Variants in HTT observed in about 807,000 individuals in gnomAD.
HTT encodes huntington disease protein.
In HTT, 104 loss-of-function variants were observed where a neutral mutation model predicts 362.3. The observed-to-expected ratio is 0.29, with a 90% CI of 0.24 to 0.34. The LOEUF is 0.34. Ranked by LOEUF, HTT falls within the 10% of genes least tolerant of loss-of-function variation. The pLI is 1.00. For synonymous variants in HTT, 1,577 were observed against 1,548.7 expected, an observed-to-expected ratio of 1.02 and a Z score of -0.43; for missense variants, 3,301 against 3,928.6, an observed-to-expected ratio of 0.84 and a Z score of 4.27.
chr4:3,164,006 A>C (rs1283303659), intron 29 of HTT, among the ~76,000 whole-genome samples: 1 of 151,076 alleles, frequency 6.6e-6, no homozygotes, highest in Non-Finnish European at 1.5e-5. Flanking sequence ...TAGTTCTTTT[A>C]ATTGTGATGT....
In HTT at chr4:3,074,976, CTT is replaced by C; in HGVS notation, c.152_153del (p.Leu51ProfsTer31). On this transcript the variant is annotated frameshift_variant, in exon 1 of 67. Coordinates refer to ENST00000355072, the MANE Select transcript of HTT (RefSeq NM_001388492.1). LOFTEE classifies it high-confidence loss of function. ...PPPPPPPPPQ[L>X]PQPPPQAQPL... ...GCCGCCGCCGCCGCCGCCTCCTCAG[CTT>C]CCTCAGCCGCCGCCGCAGGCACAGC... 1.4e-6 allele frequency: 2 copies of C among 1,433,452 alleles called. No homozygotes were observed. The highest frequency in any genetic ancestry group is 1.9e-6 in the Non-Finnish European group (2 of 1,074,030). The allele number at this position is 1,433,452 out of a possible 1,614,324, so 88.8% of individuals were successfully genotyped here.
chr4:3,130,759 T>C (rs759914686), intron 14 of HTT, among the ~76,000 whole-genome samples: 3 of 151,788 alleles, frequency 2.0e-5, no homozygotes, highest in African/African-American at 4.8e-5. Flanking sequence ...GTTCTAAAAG[T>C]CTCTCTTCAT....
intron 53 of HTT, 73 bp downstream of exon 53, chr4:3,220,381 C>A: frequency 2.8e-6 from 4 of 1,437,860 alleles, no homozygotes; most frequent in South Asian, 2.4e-5. Context: ...GCCCCCAGTA[C>A]TGGGATCTTC....
chr4:3,222,528 T>C, intron 54 of HTT, 41 bp downstream of exon 54: 1 of 1,475,132 alleles, frequency 6.8e-7, no homozygotes, highest in East Asian at 2.3e-5. Context: ...TGGGCAGTTA[T>C]GGCCGCTTGC....
At chr4:3,213,028 A>C in intron 49 of HTT, 1 of 290,006 alleles carries the variant, frequency 3.4e-6, no homozygotes, top group South Asian at 5.1e-5. Flanking sequence ...TGGCCTGGAC[A>C]TGTCAGCCAA....
In HTT at chr4:3,090,327, C is replaced by T. The variant is rs554245555; in HGVS notation, c.347+3305C>T. 3.3e-5 allele frequency among the ~76,000 whole-genome samples: 5 copies of T among 152,296 alleles called. No individual in the cohort carries two copies. The East Asian group carries it at 9.6e-4, about 29-fold the overall frequency. On this transcript the variant is annotated intron_variant, in intron 2 of 66. Transcript: ENST00000355072. ...TCATCTGGAAAATTTGTTAAAAATA[C>T]AGTAATGAAGGCACCTCACTGTCCT...
chr4:3,160,304 G>T lies in HTT; in HGVS notation c.3776G>T (p.Ser1259Ile), dbSNP rs1322201946. The change falls in exon 29 of 67, where the codon AGC (serine) becomes ATC (isoleucine). Residue 1259 changes from serine (S) to isoleucine (I), a missense_variant. Coordinates refer to ENST00000355072, the MANE Select transcript of HTT (RefSeq NM_001388492.1). ...AAGGTCACGCTGGATCTTCAGAACA[G>T]CACGGAAAAGTTTGGAGGGTTTCTC... ...NYKVTLDLQN[S>I]TEKFGGFLRS... is the part of the protein sequence containing the mutation. 2 of 1,552,092 alleles carry T rather than the reference G, an allele frequency of 1.3e-6. No individual in the cohort carries two copies. The highest frequency in any genetic ancestry group is 2.7e-5 in the African/African-American group (2 of 73,202).
At chr4:3,121,694 CAAAAAAA>C (rs1019406950) in intron 9 of HTT, 14 of 39,780 alleles carry the variant, frequency 3.5e-4, no homozygotes, top group East Asian at 7.1e-4. Context: ...CCTGTCTCTA[CAAAAAAA>C]AAAAAAAAAA....
intron 27 of HTT, 70 bp from the exon 28 acceptor site, chr4:3,157,002 A>C: frequency 7.9e-7 from 1 of 1,263,412 alleles, no homozygotes; most frequent in East Asian, 2.4e-5. Context: ...CATGATTTCC[A>C]GTAATCTCTT....
At chr4:3,147,010 TG>T (rs1473734715) in intron 25 of HTT, 62 bp downstream of exon 25, 45 of 1,527,966 alleles carry the variant, frequency 2.9e-5, no homozygotes, top group Non-Finnish European at 3.9e-5. Flanking sequence ...TTAGGGGGAA[TG>T]GGGGTGGTGA....
chr4:3,235,541 A>G (rs1721486857), intron 62 of HTT, 24 bp from the exon 63 acceptor site: 10 of 1,608,780 alleles, frequency 6.2e-6, no homozygotes, highest in Non-Finnish European at 6.8e-6. Context: ...ATTCTTTGAC[A>G]CAGAGGCCTT....
chr4:3,230,193 C>A, intron 60 of HTT, 151 bp downstream of exon 60: 2 of 643,934 alleles, frequency 3.1e-6, no homozygotes, highest in Admixed American at 2.5e-5. Flanking sequence ...AGCTGCAGTG[C>A]TTCTCAGATG....
intron 1 of HTT, among the ~76,000 whole-genome samples, chr4:3,078,965 G>C (rs549344155): frequency 2.0e-5 from 3 of 152,114 alleles, no homozygotes; most frequent in Non-Finnish European, 2.9e-5. Flanking sequence ...TTGATCTCCT[G>C]ACCTCGTCAT....
At chr4:3,224,802 C>G (rs986884851) in intron 56 of HTT, among the ~76,000 whole-genome samples, 1 of 152,230 alleles carries the variant, frequency 6.6e-6, no homozygotes. Context: ...GTGTTATACG[C>G]AGTGTCTATG....
intron 2 of HTT, among the ~76,000 whole-genome samples, chr4:3,088,657 C>G (rs1157377691): frequency 6.6e-6 from 1 of 152,128 alleles, no homozygotes; most frequent in African/African-American, 2.4e-5. Context: ...TCCATTCTTT[C>G]CTGTAGTCCC....
intron 1 of HTT, among the ~76,000 whole-genome samples, chr4:3,078,128 T>C (rs1036142436): frequency 2.0e-5 from 3 of 152,234 alleles, no homozygotes; most frequent in Non-Finnish European, 2.9e-5. Flanking sequence ...TCTAGCATGC[T>C]TGGGAGGGTC....
intron 35 of HTT, among the ~76,000 whole-genome samples, chr4:3,178,772 G>A (rs550826169): frequency 1.3e-5 from 2 of 152,290 alleles, no homozygotes; most frequent in East Asian, 1.9e-4. Flanking sequence ...TAGCCAAAAG[G>A]CCAAGAAGCG....
At chr4:3,096,362 C>A (rs373061099) in intron 2 of HTT, among the ~76,000 whole-genome samples, 1 of 152,230 alleles carries the variant, frequency 6.6e-6, no homozygotes, top group African/African-American at 2.4e-5. Context: ...ACACTGTCCC[C>A]TGTGCAACCT....
At chr4:3,230,146 C>A (rs937381041) in intron 60 of HTT, 104 bp downstream of exon 60, 13 of 960,644 alleles carry the variant, frequency 1.4e-5, no homozygotes, top group Middle Eastern at 3.2e-4. Flanking sequence ...TGCCTCCTTC[C>A]AAGAGTTGAC....
Sources: allele counts gnomAD v4.1 joint callset (sites outside exome capture counted in the v4.1 genomes callset), GRCh38; gene constraint gnomAD v4.1.1; transcripts MANE v1.5; gene names NCBI Gene and HGNC (gene_info 2026-07-23, HGNC 2026-07-21).